The following ANKRD44 variants were observed in gnomAD, a reference collection of about 807,000 sequenced individuals.
ANKRD44 encodes ankyrin repeat domain 44, also known as serine/threonine-protein phosphatase 6 regulatory ankyrin repeat subunit B.
A neutral mutation model predicts 116.0 loss-of-function variants in ANKRD44; 35 were observed. The ratio of observed to expected loss-of-function variants is 0.30; its 90% CI spans 0.23 to 0.40. The LOEUF (loss-of-function observed/expected upper bound fraction) is 0.40. Ranked by LOEUF, ANKRD44 falls within the 10% of genes least tolerant of loss-of-function variation. The pLI is 1.00. For missense variants in ANKRD44, 1,014 were observed against 1,242.6 expected (o/e 0.82, Z 2.77); for synonymous variants, 435 against 461.8 (o/e 0.94, Z 0.74).
At chr2:197,110,972 T>C in intron 8 of ANKRD44, 128 bp from the exon 9 acceptor site, 1 of 687,056 alleles carries the variant, frequency 1.5e-6, no homozygotes, top group East Asian at 2.7e-5. Context: ...ATTTTTTAAG[T>C]ATGATCAACA....
chr2:197,086,766 A>G lies in ANKRD44; in HGVS notation c.1248-18T>C. 6 of 1,612,142 alleles carry G rather than the reference A, an allele frequency of 3.7e-6. No individual in the cohort carries two copies. The highest frequency in any genetic ancestry group is 5.1e-6 in the Non-Finnish European group (6 of 1,178,682). On this transcript the variant is annotated intron_variant, in intron 12 of 27. Coordinates refer to ENST00000282272, the MANE Select transcript of ANKRD44 (RefSeq NM_001195144.2). ...CCACATTACTAGAAAGACAGGGAAA[A>G]CATCATTAAGATGGAAGAGATCAAT...
chr2:197,193,969 C>T (rs868735841), intron 1 of ANKRD44, among the ~76,000 whole-genome samples: 1 of 152,126 alleles, frequency 6.6e-6, no homozygotes, highest in African/African-American at 2.4e-5. Context: ...CTGGTGTGCA[C>T]GCAATAAAAA....
intron 16 of ANKRD44, among the ~76,000 whole-genome samples, chr2:197,071,868 CTGT>C (rs1364815263): frequency 6.6e-6 from 1 of 152,144 alleles, no homozygotes; most frequent in Non-Finnish European, 1.5e-5. Flanking sequence ...TATTGTAGCT[CTGT>C]TGTTTGGGGC....
At position 196,988,115 on chromosome 2, in the gene ANKRD44, T is replaced by C. The variant is rs988724599; in HGVS notation, c.*1476A>G. The C allele has an allele frequency of 5.1e-6, 5 of 985,244 alleles. No individual in the cohort carries two copies. Among genetic ancestry groups the C allele is most frequent in the Non-Finnish European group, 6.0e-6 (5 of 829,904 alleles). The allele number at this position is 985,244 out of a possible 1,614,324, so 61.0% of individuals were successfully genotyped here. A position where few individuals can be genotyped will look rare whatever the true frequency, so the allele number is the denominator to read the frequency against. ...GCAGCTCCATGGAGATAACGTCTCA[T>C]GGTGAGTCACTGCTTTGCTGAAATG... On this transcript the variant is annotated 3_prime_UTR_variant, in exon 28 of 28. Transcript: ENST00000282272.
chr2:196,983,817 G>A (rs1043268138), downstream of ANKRD44, among the ~76,000 whole-genome samples: 1 of 152,148 alleles, frequency 6.6e-6, no homozygotes. Flanking sequence ...GCCATGTGAC[G>A]GTGGGCCAAG....
At chr2:197,228,286 A>G (rs1269822284) in intron 1 of ANKRD44, among the ~76,000 whole-genome samples, 2 of 152,184 alleles carry the variant, frequency 1.3e-5, no homozygotes, top group African/African-American at 4.8e-5. Context: ...CCCCTACCTC[A>G]CAGGGTGGTG....
chr2:197,079,125 A>G (rs2077737636), intron 15 of ANKRD44, among the ~76,000 whole-genome samples: 1 of 152,178 alleles, frequency 6.6e-6, no homozygotes, highest in Non-Finnish European at 1.5e-5. Context: ...TCTGTTATCA[A>G]GATTACTGAA....
At position 197,015,023 on chromosome 2, in the gene ANKRD44, G is replaced by T; in HGVS notation, c.1723-1311C>A. On this transcript the variant is annotated intron_variant, in intron 17 of 27. Transcript: ENST00000282272. ...TGAGAAAATTGTTTATTGGTGGCCT[G>T]ACTCTGAAACTACAGATGATACTTT... The T allele has an allele frequency of 1.4e-5, 3 of 212,610 alleles. No individual in the cohort carries two copies. In the South Asian group the frequency reaches 2.4e-4, roughly 17 times the overall value. 13.2% of individuals were successfully genotyped at this position (212,610 alleles called of 1,614,324 possible). A position where few individuals can be genotyped will look rare whatever the true frequency, so the allele number is the denominator to read the frequency against.
chr2:197,182,850 G>A (rs2080545259), intron 2 of ANKRD44, among the ~76,000 whole-genome samples: 1 of 152,232 alleles, frequency 6.6e-6, no homozygotes, highest in Non-Finnish European at 1.5e-5. Context: ...GTCAGCTACA[G>A]TTTTAAGCAG....
At chr2:196,982,887 T>A (rs960096527), downstream of ANKRD44, among the ~76,000 whole-genome samples, 2 of 152,190 alleles carry the variant, frequency 1.3e-5, no homozygotes, top group African/African-American at 4.8e-5. Context: ...GGGACATGGA[T>A]GAAGCTAGAA....
intron 19 of ANKRD44, 24 bp from the exon 20 acceptor site, chr2:197,007,947 T>C (rs2076229553): frequency 6.5e-7 from 1 of 1,547,154 alleles, no homozygotes; most frequent in Non-Finnish European, 8.9e-7. Context: ...TAAAGCAGGC[T>C]TTTAAAAAGG....
At chr2:197,034,050 TAGAGAGAG>T (rs60018972) in intron 16 of ANKRD44, among the ~76,000 whole-genome samples, 38 of 110,662 alleles carry the variant, frequency 3.4e-4, no homozygotes, top group Admixed American at 2.2e-3. Context: ...ATATGAGGGC[TAGAGAGAG>T]AGAGAGAGAG....
chr2:196,971,237 C>A (rs2075713812), intron 21 of ANKRD44, among the ~76,000 whole-genome samples: 1 of 152,176 alleles, frequency 6.6e-6, no homozygotes, highest in Non-Finnish European at 1.5e-5. Flanking sequence ...CAAAATGACA[C>A]CTATAAACAA....
intron 1 of ANKRD44, among the ~76,000 whole-genome samples, chr2:197,263,760 T>A (rs2082670363): frequency 1.3e-5 from 2 of 150,926 alleles, no homozygotes; most frequent in African/African-American, 4.9e-5. Context: ...AATGTCACTA[T>A]TCCGGTGTAG....
At chr2:197,013,406 A>T in intron 18 of ANKRD44, 105 bp downstream of exon 18, 1 of 1,286,636 alleles carries the variant, frequency 7.8e-7, no homozygotes, top group Non-Finnish European at 1.1e-6. Flanking sequence ...TGGAAAGAAA[A>T]TTGATATTTA....
intron 16 of ANKRD44, among the ~76,000 whole-genome samples, chr2:197,041,662 C>A (rs545527492): frequency 6.6e-6 from 1 of 152,114 alleles, no homozygotes; most frequent in South Asian, 2.1e-4. Context: ...CTTTTTCTGG[C>A]CTCCTTCCTG....
intron 1 of ANKRD44, among the ~76,000 whole-genome samples, chr2:197,276,878 G>A (rs1290059434): frequency 6.6e-6 from 1 of 151,966 alleles, no homozygotes; most frequent in East Asian, 1.9e-4. Flanking sequence ...CAGGTGCCTA[G>A]GCTCCAGCCT....
At chr2:197,156,188 T>C (rs2079808304) in intron 2 of ANKRD44, among the ~76,000 whole-genome samples, 1 of 151,936 alleles carries the variant, frequency 6.6e-6, no homozygotes, top group Non-Finnish European at 1.5e-5. Flanking sequence ...CTACCAAAAA[T>C]ACAAAAAATT....
Position 197,122,731 on chromosome 2 carries a change from C to T in ANKRD44, c.612G>A (p.Lys204=), listed in dbSNP as rs373153893. The T allele has an allele frequency of 4.1e-5, 66 of 1,614,134 alleles. No homozygotes were observed. The Admixed American group carries it at 8.0e-4, about 20-fold the overall frequency. Residue 204 remains lysine (K), a synonymous_variant, in exon 7 of 28, where the codon AAG becomes AAA. Transcript: ENST00000282272. The stretch of plus-strand genomic sequence containing the variant: ...CAGCATGCAGAGGGGTATAACCCTT[C>T]TTATCCTTACAGGTCACTTCTGCGC... ...NHGAEVTCKD[K]KGYTPLHAAA...
Sources: allele counts gnomAD v4.1 joint callset (sites outside exome capture counted in the v4.1 genomes callset), GRCh38; gene constraint gnomAD v4.1.1; transcripts MANE v1.5; gene names NCBI Gene and HGNC (gene_info 2026-07-23, HGNC 2026-07-21).